Variants in UBAC1 observed in about 807,000 individuals in gnomAD.
UBAC1 encodes the protein UBA domain containing 1.
Under a neutral mutation model 45.9 loss-of-function variants are expected in UBAC1, and 27 were observed. That is an observed-to-expected ratio of 0.59 (90% CI 0.43 to 0.81). UBAC1 has a LOEUF of 0.81. Among genes scored for constraint, UBAC1 ranks in the 30% least tolerant of loss-of-function variants. The pLI is 0.00. For synonymous variants in UBAC1, 227 were observed against 215.5 expected, an observed-to-expected ratio of 1.05 and a Z score of -0.47; for missense variants, 529 against 539.2, an observed-to-expected ratio of 0.98 and a Z score of 0.19.
chr9:135,946,300 TG>T lies in UBAC1; in HGVS notation c.512del (p.Pro171GlnfsTer46). The T allele has an allele frequency of 6.2e-7, 1 of 1,613,852 alleles. No individual in the cohort carries two copies. Among genetic ancestry groups the T allele is most frequent in the East Asian group, 2.2e-5 (1 of 44,882 alleles). ...EVAQKLLALN[P>X]DAVELFKKAN... ...CCTTCTTAAACAATTCCACTGCATC[TG>T]GGTTCAGCGCTAACAGCTTCTGCGC... On this transcript the variant is annotated frameshift_variant, in exon 5 of 10. Coordinates refer to ENST00000371756, the MANE Select transcript of UBAC1 (RefSeq NM_016172.3). LOFTEE classifies it high-confidence loss of function.
At chr9:135,957,360 A>G (rs1839479383) in intron 1 of UBAC1, among the ~76,000 whole-genome samples, 2 of 152,062 alleles carry the variant, frequency 1.3e-5, no homozygotes, top group South Asian at 2.1e-4. Flanking sequence ...TCATGATCCT[A>G]AAGTTTGCAG....
intron 4 of UBAC1, chr9:135,947,556 T>A (rs1176098666): frequency 6.9e-6 from 3 of 434,320 alleles, no homozygotes; most frequent in Non-Finnish European, 8.1e-6. Context: ...CGGATTGACG[T>A]TTTCCCAGGG....
chr9:135,945,331 C>T, intron 6 of UBAC1, 81 bp from the exon 7 acceptor site: 2 of 1,263,466 alleles, frequency 1.6e-6, no homozygotes, highest in Middle Eastern at 2.8e-4. Context: ...CAAGAAGAGC[C>T]TCTGCTATGG....
chr9:135,953,652 G>T, intron 3 of UBAC1, 28 bp downstream of exon 3: 1 of 1,600,636 alleles, frequency 6.2e-7, no homozygotes, highest in Non-Finnish European at 8.6e-7. Flanking sequence ...ACCAACCAAG[G>T]TCCCCAATTG....
At chr9:135,948,145 G>A (rs1839361113) in intron 3 of UBAC1, 1 of 457,742 alleles carries the variant, frequency 2.2e-6, no homozygotes, top group East Asian at 3.7e-5. Context: ...GAGGGGCAGA[G>A]CAGGAGCAAG....
At chr9:135,956,470 G>A (rs756205016) in intron 1 of UBAC1, among the ~76,000 whole-genome samples, 3 of 152,276 alleles carry the variant, frequency 2.0e-5, no homozygotes, top group South Asian at 2.1e-4. Context: ...TGATGGTGCC[G>A]TGTGATGAAG....
At chr9:135,939,594 A>T in intron 8 of UBAC1, 79 bp downstream of exon 8, 7 of 1,397,486 alleles carry the variant, frequency 5.0e-6, no homozygotes, top group East Asian at 2.3e-5. Flanking sequence ...GCCCACACTC[A>T]CTCACCACAG....
intron 7 of UBAC1, among the ~76,000 whole-genome samples, chr9:135,944,410 G>A (rs889622554): frequency 2.0e-5 from 3 of 152,234 alleles, no homozygotes; most frequent in Admixed American, 2.0e-4. Flanking sequence ...CATGCAGATG[G>A]AGCAGATCTG....
chr9:135,948,584 C>G (rs2131089479), intron 3 of UBAC1, among the ~76,000 whole-genome samples: 1 of 152,392 alleles, frequency 6.6e-6, no homozygotes, highest in South Asian at 2.1e-4. Context: ...TCCCAGAGAG[C>G]TGGGCTTGAG....
chr9:135,947,865 A>G lies in UBAC1; in HGVS notation c.374T>C (p.Leu125Pro). 1 of 1,614,216 alleles carries G rather than the reference A, an allele frequency of 6.2e-7. No homozygotes were observed. The highest frequency in any genetic ancestry group is 8.5e-7 in the Non-Finnish European group (1 of 1,180,022). Residue 125 changes from leucine (L) to proline (P), a missense_variant, in exon 4 of 10, where the codon CTG becomes CCG. Leu to Pro is a moderately conservative substitution (Grantham distance 98, BLOSUM62 -3). Transcript: ENST00000371756. ...DQKAPDKEAI[L>P]RATANLPSYN... ...GGAGGGCAGGTTGGCGGTGGCCCGC[A>G]GTATGGCCTCTTTATCTGGAGCTTT... is the stretch of plus-strand genomic sequence containing the variant.
Position 135,933,243 on chromosome 9 carries a change from A to G in UBAC1, c.*157T>C. 6.4e-6 allele frequency: 4 copies of G among 621,280 alleles called. No homozygotes were observed. The highest frequency in any genetic ancestry group is 3.6e-4 in the Middle Eastern group (1 of 2,768). 38.5% of individuals were successfully genotyped at this position (621,280 alleles called of 1,614,324 possible). On this transcript the variant is annotated 3_prime_UTR_variant, in exon 10 of 10. Coordinates refer to ENST00000371756, the MANE Select transcript of UBAC1 (RefSeq NM_016172.3). ...TTACACACTACCGTCACCAAAGTTT[A>G]TAAGCAATAAGATCAGAGAGCAGGA... is the stretch of plus-strand genomic sequence containing the variant.
In UBAC1 at chr9:135,961,265, C is replaced by A; in HGVS notation, c.-103G>T. ...GGGCCAGACCGCCCGCGCGCTCCTT[C>A]GCTGGGCCGCCGCCCCGCCCCGGCT... On this transcript the variant is annotated 5_prime_UTR_variant, in exon 1 of 10. Transcript: ENST00000371756. The A allele has an allele frequency of 9.5e-7, 1 of 1,051,956 alleles. No individual in the cohort carries two copies. Among genetic ancestry groups the A allele is most frequent in the Non-Finnish European group, 1.2e-6 (1 of 849,512 alleles). The allele number at this position is 1,051,956 out of a possible 1,614,324, so 65.2% of individuals were successfully genotyped here.
intron 1 of UBAC1, among the ~76,000 whole-genome samples, chr9:135,957,538 A>G (rs1057037917): frequency 6.6e-6 from 1 of 152,084 alleles, no homozygotes; most frequent in African/African-American, 2.4e-5. Context: ...TCTCGGCAGA[A>G]GCTGGGGTAT....
chr9:135,943,965 C>T (rs1221190629), intron 7 of UBAC1, among the ~76,000 whole-genome samples: 1 of 152,014 alleles, frequency 6.6e-6, no homozygotes, highest in African/African-American at 2.4e-5. Context: ...CACCGGGGCC[C>T]ATCAGGGGGT....
At chr9:135,950,031 A>C (rs1839388645) in intron 3 of UBAC1, among the ~76,000 whole-genome samples, 1 of 152,226 alleles carries the variant, frequency 6.6e-6, no homozygotes, top group South Asian at 2.1e-4. Flanking sequence ...GCCAGCAAGA[A>C]AATGGGTCGG....
intron 7 of UBAC1, among the ~76,000 whole-genome samples, chr9:135,942,650 C>CA (rs35653463): frequency 0.33 from 31,198 of 95,532 alleles, 3,705 homozygotes; most frequent in Admixed American, 0.36. Flanking sequence ...GAAACTGTCT[C>CA]AAAAAAAAAA....
At chr9:135,938,517 C>T (rs557978565) in intron 8 of UBAC1, among the ~76,000 whole-genome samples, 157 bp from the exon 9 acceptor site, 2 of 152,392 alleles carry the variant, frequency 1.3e-5, no homozygotes, top group East Asian at 1.9e-4. Context: ...TGAAGACAAA[C>T]GCAGTCTGGA....
At chr9:135,960,891 C>A (rs1025394817) in intron 1 of UBAC1, 134 bp downstream of exon 1, 7 of 753,954 alleles carry the variant, frequency 9.3e-6, no homozygotes, top group Non-Finnish European at 1.4e-5. Context: ...GCCTCCACCC[C>A]CGGAGGAGAG....
At chr9:135,948,753 C>T (rs1447521095) in intron 3 of UBAC1, among the ~76,000 whole-genome samples, 1 of 152,244 alleles carries the variant, frequency 6.6e-6, no homozygotes, top group Non-Finnish European at 1.5e-5. Flanking sequence ...CCCAGCCAGC[C>T]ACCCAGTCCC....
Sources: gnomAD v4.1 joint callset for allele counts (sites outside exome capture counted in the v4.1 genomes callset) on GRCh38, gnomAD v4.1.1 for gene constraint, MANE v1.5 for transcripts, NCBI Gene and HGNC (gene_info 2026-07-23, HGNC 2026-07-21) for gene names.